Variants in RFC2 observed in about 807,000 individuals in gnomAD.
The protein encoded by RFC2 is A1 40 kDa subunit.
A neutral mutation model predicts 44.8 loss-of-function variants in RFC2; 34 were observed. That is an observed-to-expected ratio of 0.76 (90% CI 0.58 to 1.01). The LOEUF is 1.01. Among genes scored for constraint, RFC2 ranks in the 50% least tolerant of loss-of-function variants. RFC2 has a pLI of 0.00. For synonymous variants in RFC2, 177 were observed against 168.9 expected (o/e 1.05, Z -0.37); for missense variants, 400 against 453.6 (o/e 0.88, Z 1.07).
chr7:74,239,049 A>G, intron 7 of RFC2, 61 bp from the exon 8 acceptor site: 2 of 1,384,320 alleles, frequency 1.4e-6, no homozygotes, highest in African/African-American at 2.9e-5. Flanking sequence ...TTGAGTAGAG[A>G]CAGGAGTCTC....
At chr7:74,243,082 A>C (rs1803426414) in intron 6 of RFC2, 64 bp downstream of exon 6, 1 of 1,066,794 alleles carries the variant, frequency 9.4e-7, no homozygotes, top group South Asian at 1.3e-5. Flanking sequence ...GACCACATCT[A>C]TAAAAAAGAA....
At chr7:74,246,814 C>T (rs1554720115) in intron 4 of RFC2, 51 bp from the exon 5 acceptor site, 2 of 1,255,814 alleles carry the variant, frequency 1.6e-6, no homozygotes, top group East Asian at 4.7e-5. Context: ...AATTCAGTTG[C>T]CTTCACAAGG....
Position 74,252,468 on chromosome 7 carries a change from A to C in RFC2, c.144T>G (p.Asn48Lys). ...CGGTGTCTTCATTCCCGACAATTTC[A>C]TTCAGCTTTACTGGCCTATATTTTT... ...WVEKYRPVKLNEIVGNEDTVS... is the reference protein window; with the variant it reads ...WVEKYRPVKLKEIVGNEDTVS... Residue 48 changes from asparagine (N) to lysine (K), a missense_variant, in exon 2 of 11, where the codon AAT becomes AAG. Asn to Lys is a moderately conservative substitution (Grantham distance 94). Coordinates refer to ENST00000055077, the MANE Select transcript of RFC2 (RefSeq NM_181471.3). 6.2e-7 allele frequency: 1 copy of C among 1,609,018 alleles called. No individual in the cohort carries two copies. The highest frequency in any genetic ancestry group is 8.5e-7 in the Non-Finnish European group (1 of 1,175,710).
intron 10 of RFC2, among the ~76,000 whole-genome samples, chr7:74,232,749 C>T: frequency 6.6e-6 from 1 of 152,216 alleles, no homozygotes; most frequent in East Asian, 1.9e-4. Flanking sequence ...CCTGTAATCC[C>T]AGCTACTCGG....
At chr7:74,249,897 G>T (rs3135662) in intron 2 of RFC2, 117 bp from the exon 3 acceptor site, 77,311 of 870,098 alleles carry the variant, frequency 0.089, 4,587 homozygotes, top group East Asian at 0.24. Context: ...AATGGCTCAG[G>T]CCTGTAATCC....
intron 6 of RFC2, among the ~76,000 whole-genome samples, chr7:74,241,082 T>C (rs1362120338): frequency 1.4e-4 from 21 of 151,972 alleles, no homozygotes; most frequent in Admixed American, 9.2e-4. Context: ...AGGCGCACGC[T>C]ATCACACCCG....
At chr7:74,249,316 AG>A (rs2080347415) in intron 3 of RFC2, 198 bp from the exon 4 acceptor site, 2 of 851,732 alleles carry the variant, frequency 2.3e-6, no homozygotes, top group Admixed American at 2.4e-5. Flanking sequence ...CAAGGCGGGC[AG>A]ATCACCTGAG....
rs1327063772 is a variant in RFC2 at position 74,238,145 on chromosome 7, G to A, written c.760-703C>T. ...CGAACCATCACCCCTGTTTCTGAGC[G>A]GGCCTCCCCTTCCTAAGTGGCCTCG... On this transcript the variant is annotated intron_variant, in intron 8 of 10. Transcript: ENST00000055077. This position sits in a 1 kb window ranked among gnomAD's most constrained non-coding sequence, Gnocchi z 4.0. 1.3e-5 allele frequency among the ~76,000 whole-genome samples: 2 copies of A among 151,982 alleles called. No homozygotes were observed. The highest frequency in any genetic ancestry group is 4.8e-5 in the African/African-American group (2 of 41,402).
rs1803822197 is a variant in RFC2 at position 74,249,671 on chromosome 7, G to C, written c.225+68C>G. The C allele has an allele frequency of 6.1e-6, 8 of 1,321,020 alleles. No homozygotes were observed. The Admixed American group carries it at 1.3e-4, about 22-fold the overall frequency. 81.8% of individuals were successfully genotyped at this position (1,321,020 alleles called of 1,614,324 possible). A position where few individuals can be genotyped will look rare whatever the true frequency, so the allele number is the denominator to read the frequency against. On this transcript the variant is annotated intron_variant, in intron 3 of 10. Coordinates refer to ENST00000055077, the MANE Select transcript of RFC2 (RefSeq NM_181471.3). ...TCCAGGGAGGCAGCGCTGTGCACAA[G>C]AAAGCAGTTCAGCGGACAGTGGGAT...
At chr7:74,245,272 G>C (rs1486776833) in intron 5 of RFC2, among the ~76,000 whole-genome samples, 2 of 151,326 alleles carry the variant, frequency 1.3e-5, no homozygotes, top group Non-Finnish European at 2.9e-5. Flanking sequence ...CGCCTGCCTC[G>C]GCCTCCCAAA....
intron 6 of RFC2, among the ~76,000 whole-genome samples, chr7:74,241,882 T>G (rs3135673): frequency 0.026 from 4,019 of 152,114 alleles, 186 homozygotes; most frequent in African/African-American, 0.091. Flanking sequence ...ATCACTTGAA[T>G]CCAGGCAGCG....
chr7:74,248,945 G>A, intron 4 of RFC2, 67 bp downstream of exon 4: 1 of 1,102,816 alleles, frequency 9.1e-7, no homozygotes, highest in Non-Finnish European at 1.4e-6. Flanking sequence ...TGCTGAGAAA[G>A]GTTGTTTCTG....
At position 74,238,774 on chromosome 7, in the gene RFC2, G is replaced by T; in HGVS notation, c.759+149C>A. The T allele has an allele frequency of 1.6e-6, 1 of 624,396 alleles. No homozygotes were observed. The highest frequency in any genetic ancestry group is 1.9e-5 in the South Asian group (1 of 51,952). The allele number at this position is 624,396 out of a possible 1,614,324, so 38.7% of individuals were successfully genotyped here. ...TTGTGCAGCAAAGCAGCAATAGGGAGAGGACAGACGGGAGCAGGGTGGGCT... is the reference window on the plus strand; with the variant it reads ...TTGTGCAGCAAAGCAGCAATAGGGATAGGACAGACGGGAGCAGGGTGGGCT... On this transcript the variant is annotated intron_variant, in intron 8 of 10. Coordinates refer to ENST00000055077, the MANE Select transcript of RFC2 (RefSeq NM_181471.3). The surrounding 1 kb of genome is among the most constrained non-coding windows in gnomAD (Gnocchi z 4.0).
At chr7:74,235,745 C>A in intron 9 of RFC2, 100 bp from the exon 10 acceptor site, 1 of 767,720 alleles carries the variant, frequency 1.3e-6, no homozygotes, top group South Asian at 1.4e-5. Context: ...CCCTTCAGGT[C>A]ACATGGGGGT....
chr7:74,234,116 C>A (rs781787594), intron 10 of RFC2, among the ~76,000 whole-genome samples: 1 of 152,160 alleles, frequency 6.6e-6, no homozygotes, highest in South Asian at 2.1e-4. Context: ...GATTACTTCT[C>A]AGTGATAACA....
Position 74,252,444 on chromosome 7 carries a change from G to T in RFC2, c.168C>A (p.Thr56=). The T allele has an allele frequency of 6.3e-7, 1 of 1,599,476 alleles. No individual in the cohort carries two copies. The highest frequency in any genetic ancestry group is 1.1e-5 in the South Asian group (1 of 90,778). The change falls in exon 2 of 11, where the codon ACC becomes ACA. Residue 56 remains threonine, a synonymous_variant. Transcript: ENST00000055077. ...AGCCACTCACCTCTAGCCTGCTCAC[G>T]GTGTCTTCATTCCCGACAATTTCAT... ...KLNEIVGNED[T]VSRLEVFARE... is the part of the protein sequence containing the mutation.
At chr7:74,234,364 C>T (rs1326966806) in intron 10 of RFC2, among the ~76,000 whole-genome samples, 1 of 152,122 alleles carries the variant, frequency 6.6e-6, no homozygotes, top group African/African-American at 2.4e-5. Flanking sequence ...GATTCTGCAT[C>T]CTGATGGTGA....
chr7:74,249,913 G>A (rs1285018236), intron 2 of RFC2, 133 bp from the exon 3 acceptor site: 1 of 777,078 alleles, frequency 1.3e-6, no homozygotes, highest in Admixed American at 1.9e-5. Flanking sequence ...AATCCTAGCA[G>A]TTTGGGAGGC....
Position 74,232,185 on chromosome 7 carries a change from T to C in RFC2, c.986A>G (p.Glu329Gly), listed in dbSNP as rs1563983131. The change falls in exon 11 of 11, where the codon GAA (glutamate) becomes GGA (glycine). Residue 329 changes from glutamate (E) to glycine (G), a missense_variant. Coordinates refer to ENST00000055077, the MANE Select transcript of RFC2 (RefSeq NM_181471.3). ...EIGYTHMKIA[E>G]GVNSLLQMAG... ...CATCTGCAAAAGAGAGTTCACTCCTTCCGCTATTTTCATGTGAGTGTATCC... is the reference window on the plus strand; with the variant it reads ...CATCTGCAAAAGAGAGTTCACTCCTCCCGCTATTTTCATGTGAGTGTATCC... 1.2e-6 allele frequency: 2 copies of C among 1,612,816 alleles called. No individual in the cohort carries two copies. Among genetic ancestry groups the C allele is most frequent in the Non-Finnish European group, 1.7e-6 (2 of 1,178,926 alleles).
Sources: allele counts gnomAD v4.1 joint callset (sites outside exome capture counted in the v4.1 genomes callset), GRCh38; gene constraint gnomAD v4.1.1; non-coding constraint Gnocchi (gnomAD v3.1); transcripts MANE v1.5; gene names NCBI Gene and HGNC (gene_info 2026-07-23, HGNC 2026-07-21).